ESRRG: variants seen among roughly 807,000 people sequenced by gnomAD.
ESRRG encodes the protein estrogen related receptor gamma.
In ESRRG, 13 loss-of-function variants were observed where a neutral mutation model predicts 44.0. That is an observed-to-expected ratio of 0.30 (90% CI 0.19 to 0.47). The LOEUF (loss-of-function observed/expected upper bound fraction) is 0.47, where lower values mean the gene tolerates loss of function less well. ESRRG is among the 20% of genes least tolerant of loss of function. ESRRG has a pLI of 1.00. For missense variants in ESRRG, 395 were observed against 580.6 expected (o/e 0.68, Z 3.29); for synonymous variants, 215 against 214.6 (o/e 1.00, Z -0.02).
At chr1:216,557,711 A>G (rs2057871342) in intron 5 of ESRRG, among the ~76,000 whole-genome samples, 1 of 152,212 alleles carries the variant, frequency 6.6e-6, no homozygotes, top group Admixed American at 6.5e-5. Context: ...GAACTAATAA[A>G]GTTGTAAACC....
intron 3 of ESRRG, among the ~76,000 whole-genome samples, chr1:216,628,502 T>C (rs532710949): frequency 6.6e-6 from 1 of 152,312 alleles, no homozygotes; most frequent in East Asian, 1.9e-4. Flanking sequence ...TTGAGAAATA[T>C]GTGAATAAAC....
At chr1:216,817,478 C>A (rs1373234436) in intron 2 of ESRRG, among the ~76,000 whole-genome samples, 1 of 152,158 alleles carries the variant, frequency 6.6e-6, no homozygotes, top group African/African-American at 2.4e-5. Context: ...TCAAACCTTA[C>A]ATAAATAGGC....
chr1:216,791,957 C>T (rs1009913641), intron 2 of ESRRG, among the ~76,000 whole-genome samples: 9 of 152,010 alleles, frequency 5.9e-5, no homozygotes, highest in Admixed American at 3.3e-4. Flanking sequence ...ACAATTAGTC[C>T]CATTGCCATC....
At chr1:217,048,113 G>A (rs1295987279) in intron 1 of ESRRG, among the ~76,000 whole-genome samples, 1 of 152,138 alleles carries the variant, frequency 6.6e-6, no homozygotes, top group African/African-American at 2.4e-5. Flanking sequence ...TAGAGGTGAA[G>A]GGAAACACAA....
intron 2 of ESRRG, among the ~76,000 whole-genome samples, chr1:216,898,036 C>T (rs751536983): frequency 1.1e-4 from 16 of 152,114 alleles, no homozygotes; most frequent in East Asian, 3.9e-4. Flanking sequence ...ACCACCACTT[C>T]GCAAATTATA....
Position 216,618,049 on chromosome 1 carries a change from A to C in ESRRG, c.589+32924T>G, listed in dbSNP as rs549374786. The stretch of plus-strand genomic sequence containing the variant: ...TACAAATTATATTTAACCATCAAAA[A>C]ATTCATTGAAGTACTTATTAGAGTA... On this transcript the variant is annotated intron_variant, in intron 3 of 6. Coordinates refer to ENST00000408911, the MANE Select transcript of ESRRG (RefSeq NM_001438.4). 2.0e-5 allele frequency among the ~76,000 whole-genome samples: 3 copies of C among 152,366 alleles called. No individual in the cohort carries two copies. The East Asian group carries it at 5.8e-4, about 29-fold the overall frequency.
intron 5 of ESRRG, among the ~76,000 whole-genome samples, chr1:216,550,673 CCT>C (rs1196400767): frequency 2.0e-5 from 3 of 152,066 alleles, no homozygotes; most frequent in Admixed American, 6.6e-5. Flanking sequence ...TGTAACACAA[CCT>C]TAACAATCTT....
chr1:217,109,628 T>A (rs1373951576), intron 1 of ESRRG, among the ~76,000 whole-genome samples: 1 of 152,092 alleles, frequency 6.6e-6, no homozygotes, highest in East Asian at 1.9e-4. Flanking sequence ...CCCCCTACCA[T>A]AAAATGCACT....
intron 1 of ESRRG, among the ~76,000 whole-genome samples, chr1:216,719,309 T>C (rs1392444136): frequency 1.3e-5 from 2 of 151,998 alleles, no homozygotes; most frequent in Non-Finnish European, 2.9e-5. Context: ...ATGGCCCGGC[T>C]AATGAGATGG....
chr1:217,113,551 A>G (rs2092684294), intron 1 of ESRRG, among the ~76,000 whole-genome samples: 1 of 152,170 alleles, frequency 6.6e-6, no homozygotes, highest in Non-Finnish European at 1.5e-5. Context: ...AAAATCCTGA[A>G]CCTTAAACCA....
rs556076396 is a variant in ESRRG, at chr1:216,603,651, G to A, written c.590-35553C>T. Among the ~76,000 whole-genome samples the A allele has an allele frequency of 3.3e-5, 5 of 152,206 alleles. No homozygotes were observed. In the East Asian group the frequency reaches 5.8e-4, roughly 18 times the overall value. On this transcript the variant is annotated intron_variant, in intron 3 of 6. Transcript: ENST00000408911. Reference sequence around the variant, plus strand: ...ATTAAAGAAGACAGAAAAATCAGCCGGGCACCGTGGCTCACGCCTATAATC... The same window carrying A: ...ATTAAAGAAGACAGAAAAATCAGCCAGGCACCGTGGCTCACGCCTATAATC...
intron 3 of ESRRG, among the ~76,000 whole-genome samples, chr1:216,623,077 C>CTTTTTTTTTTTTTTTT (rs370657704): frequency 2.3e-5 from 2 of 88,660 alleles, no homozygotes; most frequent in Non-Finnish European, 4.0e-5. Flanking sequence ...AATCATTAAA[C>CTTTTTTTTTTTTTTTT]TTTTTTTTTT....
chr1:216,976,575 C>G lies in ESRRG; in HGVS notation c.-105-36902G>C, dbSNP rs141225634. On this transcript the variant is annotated intron_variant, in intron 1 of 7. Coordinates refer to the ESRRG transcript ENST00000359162. ...TGGCAATATCTTTTCAAAGCGATAT[C>G]CTTCAATGCTAAACACCTCTTAATT... Among the ~76,000 whole-genome samples the G allele has an allele frequency of 5.5e-4, 84 of 152,224 alleles. 1 individual carries two copies. In the East Asian group the frequency reaches 0.012, roughly 21 times the overall value.
intron 2 of ESRRG, among the ~76,000 whole-genome samples, chr1:216,871,007 G>A (rs1024242763): frequency 6.6e-6 from 1 of 151,714 alleles, no homozygotes; most frequent in Non-Finnish European, 1.5e-5. Flanking sequence ...ATCTTTATGA[G>A]TATACTCTTC....
intron 2 of ESRRG, among the ~76,000 whole-genome samples, chr1:216,760,128 TCAA>T (rs2092690332): frequency 6.6e-6 from 1 of 151,998 alleles, no homozygotes; most frequent in African/African-American, 2.4e-5. Flanking sequence ...TCTGTCTTGT[TCAA>T]CATTGTCTCC....
chr1:216,908,982 A>T (rs550490042), intron 2 of ESRRG, among the ~76,000 whole-genome samples: 61 of 151,890 alleles, frequency 4.0e-4, no homozygotes, highest in Non-Finnish European at 5.2e-4. Context: ...GGGATTAAAA[A>T]TTTTTTTTTG....
At chr1:216,842,865 A>G (rs1414848237) in intron 2 of ESRRG, among the ~76,000 whole-genome samples, 2 of 152,230 alleles carry the variant, frequency 1.3e-5, no homozygotes, top group African/African-American at 4.8e-5. Context: ...GTGATCTGAC[A>G]TACACAAATG....
intron 2 of ESRRG, among the ~76,000 whole-genome samples, chr1:216,807,880 T>C (rs758062649): frequency 6.6e-6 from 1 of 152,152 alleles, no homozygotes; most frequent in Non-Finnish European, 1.5e-5. Flanking sequence ...CTAGTCCCTT[T>C]CTACATTTCA....
chr1:216,853,092 A>G (rs565205443), intron 2 of ESRRG, among the ~76,000 whole-genome samples: 1 of 152,178 alleles, frequency 6.6e-6, no homozygotes, highest in Non-Finnish European at 1.5e-5. Flanking sequence ...AAGGACACAA[A>G]CACATATCAA....
Sources: allele counts gnomAD v4.1 joint callset (sites outside exome capture counted in the v4.1 genomes callset), GRCh38; gene constraint gnomAD v4.1.1; transcripts MANE v1.5; gene names NCBI Gene and HGNC (gene_info 2026-07-23, HGNC 2026-07-21).